CALN1: variants seen among roughly 807,000 people sequenced by gnomAD.
The protein encoded by CALN1 is calneuron 1.
CALN1 carries 17 observed loss-of-function variants against 30.6 expected under a neutral mutation model. The ratio of observed to expected loss-of-function variants is 0.56; its 90% CI spans 0.38 to 0.83. The LOEUF is 0.83. Ranked by LOEUF, CALN1 falls within the 40% of genes least tolerant of loss-of-function variation. CALN1 has a pLI of 0.00. For missense variants in CALN1, 291 were observed against 354.9 expected (o/e 0.82, Z 1.45); for synonymous variants, 156 against 131.4 (o/e 1.19, Z -1.28).
At chr7:72,224,357 A>G (rs549267560) in intron 3 of CALN1, among the ~76,000 whole-genome samples, 1 of 152,184 alleles carries the variant, frequency 6.6e-6, no homozygotes, top group South Asian at 2.1e-4. Context: ...CCTAAGTCAT[A>G]TGGAAGGCAA....
the CALN1 span, among the ~76,000 whole-genome samples, chr7:72,479,583 C>T: frequency 2.1e-5 from 3 of 146,090 alleles, no homozygotes; most frequent in Non-Finnish European, 4.5e-5. Context: ...GATGGAGTCC[C>T]GCTCTGTCAC....
chr7:72,462,093 G>T, the CALN1 span, among the ~76,000 whole-genome samples: 1 of 151,920 alleles, frequency 6.6e-6, no homozygotes, highest in South Asian at 2.1e-4. Context: ...CCAGGAAACA[G>T]GTCAAAGACC....
At chr7:71,803,726 C>T (rs745313724) in intron 6 of CALN1, among the ~76,000 whole-genome samples, 7 of 151,902 alleles carry the variant, frequency 4.6e-5, no homozygotes, top group African/African-American at 1.2e-4. Flanking sequence ...CCTCCCACCT[C>T]GGCCTCCCAA....
intron 1 of CALN1, among the ~76,000 whole-genome samples, chr7:72,406,573 T>C (rs1488496179): frequency 1.3e-5 from 2 of 151,796 alleles, no homozygotes; most frequent in Non-Finnish European, 2.9e-5. Context: ...TGAAGTTAGA[T>C]CTCTGGGCTA....
chr7:72,343,953 C>CTACA (rs1562907994), intron 2 of CALN1, among the ~76,000 whole-genome samples: 1 of 152,120 alleles, frequency 6.6e-6, no homozygotes, highest in African/African-American at 2.4e-5. Context: ...AAAAGGGCTT[C>CTACA]TACATGTCTT....
At position 72,083,074 on chromosome 7, in the gene CALN1, G is replaced by A. The variant is rs769882985; in HGVS notation, c.388+23077C>T. ...AAATTAGCCAGGTGTGGTGGCGGGC[G>A]CCTGTAATCCCAGCTACTCGGGAGA... On this transcript the variant is annotated intron_variant, in intron 4 of 6. Coordinates refer to ENST00000395275, the MANE Select transcript of CALN1 (RefSeq NM_031468.4). 7.9e-5 allele frequency among the ~76,000 whole-genome samples: 12 copies of A among 152,184 alleles called. No individual in the cohort carries two copies. In the East Asian group the frequency reaches 9.7e-4, roughly 12 times the overall value.
rs10682965 is a variant in CALN1, at chr7:71,809,464, C to CAAA, written c.658+869_658+871dup. On this transcript the variant is annotated intron_variant, in intron 6 of 6. Transcript: ENST00000395275. ...ATGTATACTGACTTATTTAAATGTT[C>CAAA]AAAAAAAAAAAAAAGAAAAGAAAAG... Among the ~76,000 whole-genome samples, 650 of 108,368 alleles carry CAAA rather than the reference C, an allele frequency of 6.0e-3. 19 individuals are homozygous for CAAA. Among genetic ancestry groups the CAAA allele is most frequent in the African/African-American group, 0.019 (550 of 28,468 alleles). The allele number at this position is 108,368 out of a possible 152,430, so 71.1% of individuals were successfully genotyped here.
chr7:71,843,179 T>C (rs544834642), intron 5 of CALN1, among the ~76,000 whole-genome samples: 1 of 152,334 alleles, frequency 6.6e-6, no homozygotes, highest in South Asian at 2.1e-4. Context: ...ACACTTCTCC[T>C]TTCCCCTCTT....
intron 6 of CALN1, among the ~76,000 whole-genome samples, chr7:71,790,878 T>C (rs774918317): frequency 6.6e-6 from 1 of 152,138 alleles, no homozygotes; most frequent in Non-Finnish European, 1.5e-5. Context: ...TGTGTGTGTG[T>C]GTTGTTGGGG....
chr7:72,273,611 T>C (rs1207209261), intron 3 of CALN1, among the ~76,000 whole-genome samples: 4 of 150,348 alleles, frequency 2.7e-5, no homozygotes, highest in African/African-American at 4.9e-5. Context: ...CTCAAACTCC[T>C]GGGCTCAGGC....
chr7:72,451,209 A>AAGAAGAAGGAGGAGG (rs747175718), upstream of CALN1, among the ~76,000 whole-genome samples: 515 of 126,062 alleles, frequency 4.1e-3, 5 homozygotes, highest in African/African-American at 0.018. Context: ...GAAGAAGAAG[A>AAGAAGAAGGAGGAGG]AGGAGGAGGA....
rs143025730 is a variant in CALN1 at position 72,294,922 on chromosome 7, T to A, written c.120-16112A>T. Among the ~76,000 whole-genome samples the A allele has an allele frequency of 1.6e-3, 249 of 152,224 alleles. 2 individuals are homozygous for A. The highest frequency in any genetic ancestry group is 5.8e-3 in the African/African-American group (239 of 41,548). On this transcript the variant is annotated intron_variant, in intron 2 of 6. Coordinates refer to ENST00000395275, the MANE Select transcript of CALN1 (RefSeq NM_031468.4). ...AAGGCTAATTTAATGTGTGCATTTC[T>A]GAGTGTGTGTGTCCCCCAGAGATCC...
Position 72,403,336 on chromosome 7 carries a change from G to A in CALN1, c.34C>T (p.Pro12Ser), listed in dbSNP as rs984967904. Reference protein sequence around the residue: ...RLPEQPGEGKPENEKKGDGGA... With the variant: ...RLPEQPGEGKSENEKKGDGGA... ...CCGTCCCCCTTTTTCTCATTCTCGG[G>A]CTTCCCCTCTCCGGGTTGCTCTGGC... Residue 12 changes from proline to serine, a missense_variant, in exon 2 of 7, where the codon CCC becomes TCC. By Grantham distance (74) the Pro-to-Ser change is moderately conservative (BLOSUM62 -1). This residue lies in a region of CALN1 where 122 missense variants were observed against 103.2 expected (regional missense o/e 1.18). Coordinates refer to ENST00000395275, the MANE Select transcript of CALN1 (RefSeq NM_031468.4). 6.5e-7 allele frequency: 1 copy of A among 1,549,238 alleles called. No homozygotes were observed. The highest frequency in any genetic ancestry group is 2.0e-5 in the Admixed American group (1 of 51,018).
At chr7:72,008,578 G>C (rs186145110) in intron 5 of CALN1, among the ~76,000 whole-genome samples, 102 of 151,254 alleles carry the variant, frequency 6.7e-4, no homozygotes, top group African/African-American at 2.3e-3. Context: ...TAGAAGCATA[G>C]ATTTTCCCCA....
chr7:72,140,657 T>C (rs1809861212), intron 3 of CALN1, among the ~76,000 whole-genome samples: 1 of 152,214 alleles, frequency 6.6e-6, no homozygotes, highest in Admixed American at 6.5e-5. Context: ...GATAAATGAA[T>C]GAACAGAGGC....
chr7:72,360,427 T>G (rs1171858393), intron 2 of CALN1, among the ~76,000 whole-genome samples: 1 of 151,968 alleles, frequency 6.6e-6, no homozygotes, highest in Non-Finnish European at 1.5e-5. Context: ...TTTTGAAATT[T>G]TTTTATTTAA....
chr7:72,262,558 C>T (rs912995511), intron 3 of CALN1, among the ~76,000 whole-genome samples: 2 of 152,056 alleles, frequency 1.3e-5, no homozygotes, highest in African/African-American at 4.8e-5. Flanking sequence ...ATTATGTTCC[C>T]GTGTACCCAA....
intron 5 of CALN1, among the ~76,000 whole-genome samples, chr7:71,810,894 A>ATT (rs1787911983): frequency 1.4e-5 from 2 of 138,390 alleles, no homozygotes; most frequent in African/African-American, 5.7e-5. Flanking sequence ...TTAAGCATGT[A>ATT]TCTTTTTTTT....
At chr7:72,056,149 A>AT (rs11442385) in intron 4 of CALN1, among the ~76,000 whole-genome samples, 114,403 of 151,762 alleles carry the variant, frequency 0.75, 43,760 homozygotes, top group East Asian at 1. Context: ...TACTCTAACA[A>AT]TTTTATACTT....
Sources: allele counts gnomAD v4.1 joint callset (sites outside exome capture counted in the v4.1 genomes callset), GRCh38; gene constraint gnomAD v4.1.1; regional missense constraint gnomAD v4.1.1; transcripts MANE v1.5; gene names NCBI Gene and HGNC (gene_info 2026-07-23, HGNC 2026-07-21).